The following CLSTN2 variants were observed in gnomAD, a reference collection of about 807,000 sequenced individuals.
The protein encoded by CLSTN2 is calsyntenin-2.
CLSTN2 carries 48 observed loss-of-function variants against 101.2 expected under a neutral mutation model. The ratio of observed to expected loss-of-function variants is 0.47; its 90% CI spans 0.38 to 0.60. The LOEUF is 0.60. CLSTN2 is among the 20% of genes least tolerant of loss of function. The pLI, the probability that CLSTN2 is intolerant of heterozygous loss-of-function variation, is 0.00. For synonymous variants in CLSTN2, 481 were observed against 463.6 expected, an observed-to-expected ratio of 1.04 and a Z score of -0.48; for missense variants, 1,160 against 1,238.2, an observed-to-expected ratio of 0.94 and a Z score of 0.95.
At chr3:139,954,677 C>T (rs181208670) in intron 1 of CLSTN2, among the ~76,000 whole-genome samples, 1 of 152,132 alleles carries the variant, frequency 6.6e-6, no homozygotes, top group Non-Finnish European at 1.5e-5. Context: ...TTTCCCAGAG[C>T]ACCTATAAGT....
At chr3:140,279,509 G>T (rs963733338) in intron 2 of CLSTN2, among the ~76,000 whole-genome samples, 1 of 152,244 alleles carries the variant, frequency 6.6e-6, no homozygotes, top group Non-Finnish European at 1.5e-5. Flanking sequence ...TGAGCAGATG[G>T]CTATGTTCTT....
rs150492676 is a variant in CLSTN2, at chr3:140,419,034, TA to T, written c.638-2081del. ...ATTGTGTAATTGGTGGACCTTTTTTTAAAAAAAAAATCTTTCAAGCATTATT... is the reference window on the plus strand; with the variant it reads ...ATTGTGTAATTGGTGGACCTTTTTTTAAAAAAAAATCTTTCAAGCATTATT... On this transcript the variant is annotated intron_variant, in intron 4 of 16. Transcript: ENST00000458420. Among the ~76,000 whole-genome samples, 579 of 150,942 alleles carry T rather than the reference TA, an allele frequency of 3.8e-3. 1 individual carries two copies. The highest frequency in any genetic ancestry group is 6.0e-3 in the Non-Finnish European group (409 of 67,764).
At chr3:140,565,458 G>A (rs1936007781) in intron 16 of CLSTN2, among the ~76,000 whole-genome samples, 1 of 152,004 alleles carries the variant, frequency 6.6e-6, no homozygotes, top group South Asian at 2.1e-4. Context: ...GGAGGGAGGG[G>A]GAATTGGACT....
intron 2 of CLSTN2, among the ~76,000 whole-genome samples, chr3:140,310,323 C>A (rs2087155404): frequency 6.6e-6 from 1 of 151,838 alleles, no homozygotes; most frequent in South Asian, 2.1e-4. Context: ...CCACCCATCT[C>A]CCCAGCCTCT....
intron 2 of CLSTN2, among the ~76,000 whole-genome samples, chr3:140,226,901 T>G (rs1415052533): frequency 1.3e-5 from 2 of 152,138 alleles, no homozygotes; most frequent in Non-Finnish European, 2.9e-5. Context: ...TTCACTATCA[T>G]GAGAACAGTG....
At chr3:140,190,527 T>C (rs1297665959) in intron 2 of CLSTN2, among the ~76,000 whole-genome samples, 2 of 151,986 alleles carry the variant, frequency 1.3e-5, no homozygotes, top group African/African-American at 2.4e-5. Flanking sequence ...AGTTGACATC[T>C]TACCTCGTTG....
chr3:140,476,145 C>T (rs1395199177), intron 8 of CLSTN2, among the ~76,000 whole-genome samples: 8 of 152,058 alleles, frequency 5.3e-5, no homozygotes, highest in East Asian at 3.9e-4. Flanking sequence ...ATAATATGAA[C>T]GATATTTTCT....
At chr3:140,510,918 C>T (rs137900402) in intron 8 of CLSTN2, among the ~76,000 whole-genome samples, 7 of 152,258 alleles carry the variant, frequency 4.6e-5, no homozygotes, top group Non-Finnish European at 8.8e-5. Context: ...CAGGTAAATG[C>T]GTGCCATGGT....
rs72984151 is a variant in CLSTN2, at chr3:140,096,924, C to T, written c.110-79027C>T. Among the ~76,000 whole-genome samples the T allele has an allele frequency of 1.6e-3, 243 of 152,262 alleles. 1 individual carries two copies. The highest frequency in any genetic ancestry group is 5.4e-3 in the African/African-American group (223 of 41,554). On this transcript the variant is annotated intron_variant, in intron 1 of 16. Coordinates refer to ENST00000458420, the MANE Select transcript of CLSTN2 (RefSeq NM_022131.3). ...CTATAGCCACAGCCTTGGTGTAGCC[C>T]GCTGGGTTCTAGTTCTTGCTCTGCC... is the stretch of plus-strand genomic sequence containing the variant.
intron 8 of CLSTN2, among the ~76,000 whole-genome samples, chr3:140,499,088 T>C (rs1273887699): frequency 6.6e-6 from 1 of 152,146 alleles, no homozygotes; most frequent in Non-Finnish European, 1.5e-5. Context: ...TTCACACGAC[T>C]CAACTATTAC....
At chr3:140,137,116 A>T (rs2107807088) in intron 1 of CLSTN2, among the ~76,000 whole-genome samples, 1 of 152,262 alleles carries the variant, frequency 6.6e-6, no homozygotes, top group East Asian at 1.9e-4. Flanking sequence ...CAATTGATTT[A>T]TTATGAAGAG....
chr3:140,008,187 C>A (rs771749874), intron 1 of CLSTN2, among the ~76,000 whole-genome samples: 5 of 152,222 alleles, frequency 3.3e-5, no homozygotes, highest in Non-Finnish European at 7.3e-5. Context: ...GACATCTCTT[C>A]TTTCCTAAGT....
chr3:140,503,795 C>G (rs979410406), intron 8 of CLSTN2, among the ~76,000 whole-genome samples: 2 of 152,128 alleles, frequency 1.3e-5, no homozygotes, highest in African/African-American at 4.8e-5. Flanking sequence ...CTTGATTCGG[C>G]TATAGCCCCT....
chr3:140,051,696 T>C (rs1015375987), intron 1 of CLSTN2, among the ~76,000 whole-genome samples: 2 of 152,184 alleles, frequency 1.3e-5, no homozygotes, highest in African/African-American at 4.8e-5. Flanking sequence ...CTCAAAACAC[T>C]ATTGAGGCTG....
intron 2 of CLSTN2, among the ~76,000 whole-genome samples, chr3:140,198,963 G>A (rs995629282): frequency 6.6e-6 from 1 of 152,158 alleles, no homozygotes; most frequent in African/African-American, 2.4e-5. Context: ...TCAGCATCTA[G>A]GGAGGTCTGA....
At chr3:140,403,935 C>A in intron 3 of CLSTN2, 111 bp downstream of exon 3, 2 of 861,804 alleles carry the variant, frequency 2.3e-6, no homozygotes, top group Non-Finnish European at 3.6e-6. Flanking sequence ...AATGGTGCTC[C>A]AACTTTGCTC....
intron 1 of CLSTN2, among the ~76,000 whole-genome samples, chr3:140,164,231 T>G (rs2010097857): frequency 6.6e-6 from 1 of 152,154 alleles, no homozygotes; most frequent in Non-Finnish European, 1.5e-5. Flanking sequence ...CCTGATCTTC[T>G]TCATAGACTT....
At chr3:140,386,792 T>A (rs72981068) in intron 2 of CLSTN2, among the ~76,000 whole-genome samples, 1 of 152,154 alleles carries the variant, frequency 6.6e-6, no homozygotes, top group African/African-American at 2.4e-5. Flanking sequence ...CCAAGGCCTG[T>A]GCACAGTGTC....
intron 1 of CLSTN2, among the ~76,000 whole-genome samples, chr3:140,005,400 G>A (rs916156678): frequency 6.6e-6 from 1 of 152,098 alleles, no homozygotes; most frequent in Admixed American, 6.5e-5. Context: ...CCCTGCATTT[G>A]GTGTTGATCC....
Sources: gnomAD v4.1 joint callset for allele counts (sites outside exome capture counted in the v4.1 genomes callset) on GRCh38, gnomAD v4.1.1 for gene constraint, MANE v1.5 for transcripts, NCBI Gene and HGNC (gene_info 2026-07-23, HGNC 2026-07-21) for gene names.